WBP1L: variants seen among roughly 807,000 people sequenced by gnomAD.
WBP1L encodes the protein WW domain binding protein 1 like, also known as WW domain binding protein 1-like.
In WBP1L, 17 loss-of-function variants were observed where a neutral mutation model predicts 33.7. The observed-to-expected ratio is 0.50, with a 90% CI of 0.34 to 0.76. The LOEUF (loss-of-function observed/expected upper bound fraction) is 0.76, where lower values mean the gene tolerates loss of function less well. Among genes scored for constraint, WBP1L ranks in the 30% least tolerant of loss-of-function variants. WBP1L has a pLI of 0.01. For synonymous variants in WBP1L, 173 were observed against 190.8 expected (o/e 0.91, Z 0.77); for missense variants, 389 against 469.4 (o/e 0.83, Z 1.58).
At chr10:102,784,880 T>TC (rs1021042515) in intron 1 of WBP1L, among the ~76,000 whole-genome samples, 843 of 37,610 alleles carry the variant, frequency 0.022, 4 homozygotes, top group African/African-American at 0.046. Context: ...TTCTTTTTTT[T>TC]TTTTTTTTAG....
At chr10:102,789,782 A>G (rs1953929) in intron 1 of WBP1L, among the ~76,000 whole-genome samples, 79,130 of 145,702 alleles carry the variant, frequency 0.54, 21,949 homozygotes, top group Middle Eastern at 0.65. Context: ...TCACTCTGTC[A>G]CCCAGGCTGG....
chr10:102,779,562 A>G (rs1680730910), intron 1 of WBP1L, among the ~76,000 whole-genome samples: 1 of 152,070 alleles, frequency 6.6e-6, no homozygotes, highest in Admixed American at 6.5e-5. Flanking sequence ...TCGGCCTCCC[A>G]AAGTGCTGGG....
At chr10:102,794,479 C>T (rs1030549952) in intron 1 of WBP1L, among the ~76,000 whole-genome samples, 2 of 151,976 alleles carry the variant, frequency 1.3e-5, no homozygotes, top group African/African-American at 4.8e-5. Flanking sequence ...ACTCCATCCT[C>T]CCCACCCCCA....
At chr10:102,803,710 G>A (rs1305925320) in intron 2 of WBP1L, among the ~76,000 whole-genome samples, 2 of 151,428 alleles carry the variant, frequency 1.3e-5, no homozygotes, top group African/African-American at 4.9e-5. Context: ...CCAGGTTCAC[G>A]CCATTCTCCT....
At chr10:102,757,877 C>G (rs1842995913) in intron 1 of WBP1L, among the ~76,000 whole-genome samples, 2 of 34,784 alleles carry the variant, frequency 5.7e-5, no homozygotes, top group South Asian at 1.4e-3. Flanking sequence ...TACCTGCCCT[C>G]CCCCCCCCCC....
intron 1 of WBP1L, among the ~76,000 whole-genome samples, chr10:102,776,603 G>A (rs4147157): frequency 0.097 from 14,686 of 152,146 alleles, 1,197 homozygotes; most frequent in East Asian, 0.43. Flanking sequence ...CAGAGCCACC[G>A]TGTTCTTAAC....
Position 102,806,783 on chromosome 10 carries a change from G to T in WBP1L, c.194-3110G>T, listed in dbSNP as rs367663085. On this transcript the variant is annotated intron_variant, in intron 2 of 3. Transcript: ENST00000448841. ...ACTGCCAGCCTGCCGGGGCTGGGGGGCATGTCACTGTCCTGCCCCACTTGG... is the reference window on the plus strand; with the variant it reads ...ACTGCCAGCCTGCCGGGGCTGGGGGTCATGTCACTGTCCTGCCCCACTTGG... Among the ~76,000 whole-genome samples, 18 of 152,282 alleles carry T rather than the reference G, an allele frequency of 1.2e-4. No individual in the cohort carries two copies. In the East Asian group the frequency reaches 3.1e-3, roughly 26 times the overall value.
chr10:102,803,933 T>A (rs1843695970), intron 2 of WBP1L: 1 of 152,116 alleles, frequency 6.6e-6, no homozygotes, highest in Non-Finnish European at 1.5e-5. Context: ...TTCTTTGTGC[T>A]TACTTCAGCA....
chr10:102,780,353 T>G (rs1467374040), intron 1 of WBP1L, among the ~76,000 whole-genome samples: 1 of 152,222 alleles, frequency 6.6e-6, no homozygotes, highest in Non-Finnish European at 1.5e-5. Context: ...CTTTATTATC[T>G]GACAAGATCA....
At chr10:102,794,758 A>G (rs776860695) in intron 1 of WBP1L, among the ~76,000 whole-genome samples, 8 of 152,028 alleles carry the variant, frequency 5.3e-5, no homozygotes, top group Non-Finnish European at 1.0e-4. Flanking sequence ...AAAAGAAAAA[A>G]GTAGGGGGGT....
At chr10:102,783,334 A>G in intron 1 of WBP1L, among the ~76,000 whole-genome samples, 1 of 152,160 alleles carries the variant, frequency 6.6e-6, no homozygotes, top group East Asian at 1.9e-4. Context: ...TAGGCTTTGA[A>G]GGACCCCTTC....
intron 1 of WBP1L, among the ~76,000 whole-genome samples, chr10:102,794,371 C>T (rs553996724): frequency 7.2e-5 from 11 of 152,172 alleles, no homozygotes; most frequent in Middle Eastern, 3.4e-3. Flanking sequence ...CCCAGCTACT[C>T]GGGAGGCTGA....
At chr10:102,788,351 C>T (rs1329518007) in intron 1 of WBP1L, among the ~76,000 whole-genome samples, 1 of 151,868 alleles carries the variant, frequency 6.6e-6, no homozygotes, top group Non-Finnish European at 1.5e-5. Flanking sequence ...ATCTCATGAT[C>T]CGCCTGTTTC....
chr10:102,761,381 C>G (rs1165225195), intron 1 of WBP1L, among the ~76,000 whole-genome samples: 1 of 151,934 alleles, frequency 6.6e-6, no homozygotes, highest in African/African-American at 2.4e-5. Context: ...CTCAGGCAAT[C>G]TGCCTGCCTC....
intron 1 of WBP1L, among the ~76,000 whole-genome samples, chr10:102,783,233 A>G (rs1356007158): frequency 2.6e-5 from 4 of 152,120 alleles, no homozygotes; most frequent in African/African-American, 9.7e-5. Flanking sequence ...GTGCTGGGTT[A>G]CTGTAAACCA....
Position 102,802,741 on chromosome 10 carries a change from C to T in WBP1L, c.193+4646C>T, listed in dbSNP as rs565945235. 2.0e-5 allele frequency among the ~76,000 whole-genome samples: 3 copies of T among 152,288 alleles called. No homozygotes were observed. In the South Asian group the frequency reaches 6.2e-4, roughly 32 times the overall value. ...CAAATTCTGACCTCAAGTGATCCAC[C>T]TGCCTCAGCCTCCCAAAGTGCTGGG... On this transcript the variant is annotated intron_variant, in intron 2 of 3. Coordinates refer to ENST00000448841, the MANE Select transcript of WBP1L (RefSeq NM_001083913.2).
chr10:102,748,168 AT>A (rs1427807493), intron 1 of WBP1L, among the ~76,000 whole-genome samples: 1 of 151,792 alleles, frequency 6.6e-6, no homozygotes. Context: ...AGGCAGGAGA[AT>A]GGCGTGAACC....
Position 102,814,492 on chromosome 10 carries a change from GT to G in WBP1L, c.*1177del, listed in dbSNP as rs34921785. The stretch of plus-strand genomic sequence containing the variant: ...ATTCTGAATAAATATTTTTTGTGGG[GT>G]TTTTTTTTTTTTTTTGGTGGCAGTT... On this transcript the variant is annotated 3_prime_UTR_variant, in exon 4 of 4. Transcript: ENST00000448841. The G allele has an allele frequency of 0.74, 99,308 of 133,478 alleles. 36,703 individuals carry two copies. The highest frequency in any genetic ancestry group is 0.86 in the Middle Eastern group (234 of 272). The allele number at this position is 133,478 out of a possible 1,614,324, so 8.3% of individuals were successfully genotyped here.
Position 102,813,098 on chromosome 10 carries a change from C to A in WBP1L, c.859C>A (p.Leu287Ile), listed in dbSNP as rs1456818512. The A allele has an allele frequency of 3.1e-6, 5 of 1,613,924 alleles. No homozygotes were observed. The highest frequency in any genetic ancestry group is 4.2e-6 in the Non-Finnish European group (5 of 1,180,008). The change falls in exon 4 of 4, where the codon CTC becomes ATC. Residue 287 changes from leucine (L) to isoleucine (I), a missense_variant. By Grantham distance (5) the Leu-to-Ile change is conservative. Coordinates refer to ENST00000448841, the MANE Select transcript of WBP1L (RefSeq NM_001083913.2). The part of the protein sequence containing the change: ...VCNRGHHDDD[L>I]KEFNTLIDDA... ...CAACCGGGGCCACCATGACGATGACCTCAAAGAGTTCAACACACTCATCGA... is the reference window on the plus strand; with the variant it reads ...CAACCGGGGCCACCATGACGATGACATCAAAGAGTTCAACACACTCATCGA...
Sources: allele counts gnomAD v4.1 joint callset (sites outside exome capture counted in the v4.1 genomes callset), GRCh38; gene constraint gnomAD v4.1.1; transcripts MANE v1.5; gene names NCBI Gene and HGNC (gene_info 2026-07-23, HGNC 2026-07-21).